KCNK12: variants seen among roughly 807,000 people sequenced by gnomAD.
KCNK12 encodes potassium channel subfamily K member 12.
In KCNK12, 6 loss-of-function variants were observed where a neutral mutation model predicts 25.3. The ratio of observed to expected loss-of-function variants is 0.24; its 90% CI spans 0.13 to 0.47. KCNK12 has a LOEUF of 0.47. Ranked by LOEUF, KCNK12 falls within the 20% of genes least tolerant of loss-of-function variation. The pLI is 0.99. For synonymous variants in KCNK12, 331 were observed against 311.1 expected, an observed-to-expected ratio of 1.06 and a Z score of -0.67; for missense variants, 444 against 661.7, an observed-to-expected ratio of 0.67 and a Z score of 3.61.
At position 47,566,403 on chromosome 2, in the gene KCNK12, TGTGTGTGTG is replaced by T. The variant is rs1669787627; in HGVS notation, c.391+3529_391+3537del. 1 of 151,702 alleles carries T rather than the reference TGTGTGTGTG, an allele frequency of 6.6e-6. No homozygotes were observed. Among genetic ancestry groups the T allele is most frequent in the East Asian group, 1.9e-4 (1 of 5,138 alleles). The allele number at this position is 151,702 out of a possible 1,614,324, so 9.4% of individuals were successfully genotyped here. On this transcript the variant is annotated intron_variant, in intron 1 of 1. Coordinates refer to ENST00000327876, the MANE Select transcript of KCNK12 (RefSeq NM_022055.2). This position sits in a 1 kb window ranked among gnomAD's most constrained non-coding sequence, Gnocchi z 4.1. ...CTCTATACACATGTGCTCTCAAGAG[TGTGTGTGTG>T]CACGTGTGTACACACACACGTGCAC...
chr2:47,512,274 A>G lies in KCNK12; in HGVS notation c.*8633T>C, dbSNP rs1385682465. On this transcript the variant is annotated 3_prime_UTR_variant, in exon 2 of 2. Coordinates refer to ENST00000327876, the MANE Select transcript of KCNK12 (RefSeq NM_022055.2). ...ATGGAAATCCCCGTGGAACTCCTAC[A>G]TTTTCTCCTCTCTTCTCCTTCCTTT... 6.2e-7 allele frequency: 1 copy of G among 1,610,848 alleles called. No individual in the cohort carries two copies. Among genetic ancestry groups the G allele is most frequent in the African/African-American group, 1.3e-5 (1 of 74,946 alleles).
In KCNK12 at chr2:47,529,535, T is replaced by C. The variant is rs1215634342; in HGVS notation, c.392-7727A>G. On this transcript the variant is annotated intron_variant, in intron 1 of 1. Transcript: ENST00000327876. This position sits in a 1 kb window ranked among gnomAD's most constrained non-coding sequence, Gnocchi z 4.3. ...ACTGCAGCTCTCTCCTTACCAATCATTCTCCCAGCCTGTACTATATTGAGT... is the reference window on the plus strand; with the variant it reads ...ACTGCAGCTCTCTCCTTACCAATCACTCTCCCAGCCTGTACTATATTGAGT... Among the ~76,000 whole-genome samples, 1 of 152,252 alleles carries C rather than the reference T, an allele frequency of 6.6e-6. No homozygotes were observed. Among genetic ancestry groups the C allele is most frequent in the Non-Finnish European group, 1.5e-5 (1 of 68,042 alleles).
In KCNK12 at chr2:47,560,082, A is replaced by C. The variant is rs1247261965; in HGVS notation, c.391+9859T>G. Among the ~76,000 whole-genome samples the C allele has an allele frequency of 6.6e-6, 1 of 152,118 alleles. No individual in the cohort carries two copies. Among genetic ancestry groups the C allele is most frequent in the Non-Finnish European group, 1.5e-5 (1 of 68,022 alleles). ...CAAGCCAACCACCCTTCAGGAGGCGAGTTCTGAGCTGGCTATGTCCCCAGG... is the reference window on the plus strand; with the variant it reads ...CAAGCCAACCACCCTTCAGGAGGCGCGTTCTGAGCTGGCTATGTCCCCAGG... On this transcript the variant is annotated intron_variant, in intron 1 of 1. Coordinates refer to ENST00000327876, the MANE Select transcript of KCNK12 (RefSeq NM_022055.2). The surrounding 1 kb of genome is among the most constrained non-coding windows in gnomAD (Gnocchi z 4.7).
Position 47,570,491 on chromosome 2 carries a change from G to A in KCNK12, c.-160C>T. 1 of 697,056 alleles carries A rather than the reference G, an allele frequency of 1.4e-6. No homozygotes were observed. Among genetic ancestry groups the A allele is most frequent in the Non-Finnish European group, 1.9e-6 (1 of 515,224 alleles). 43.2% of individuals were successfully genotyped at this position (697,056 alleles called of 1,614,324 possible). ...GCCCCTCGTCGCCTTCCCAGAGCCCGGACAGAGGGGCGCCTCCGCCTCCTC... is the reference window on the plus strand; with the variant it reads ...GCCCCTCGTCGCCTTCCCAGAGCCCAGACAGAGGGGCGCCTCCGCCTCCTC... On this transcript the variant is annotated 5_prime_UTR_variant, in exon 1 of 2. Coordinates refer to ENST00000327876, the MANE Select transcript of KCNK12 (RefSeq NM_022055.2).
intron 1 of KCNK12, chr2:47,564,727 C>T: frequency 5.8e-6 from 1 of 172,670 alleles, no homozygotes; most frequent in Non-Finnish European, 1.3e-5. Context: ...TTACTATGGG[C>T]TAGGTCTGAT....
chr2:47,561,342 G>A (rs1166809715), intron 1 of KCNK12, among the ~76,000 whole-genome samples: 1 of 152,208 alleles, frequency 6.6e-6, no homozygotes, highest in Admixed American at 6.5e-5. Context: ...AGAGCACTGC[G>A]CCTATGAGGG....
Position 47,528,301 on chromosome 2 carries a change from A to C in KCNK12, c.392-6493T>G, listed in dbSNP as rs1668834289. On this transcript the variant is annotated intron_variant, in intron 1 of 1. Coordinates refer to ENST00000327876, the MANE Select transcript of KCNK12 (RefSeq NM_022055.2). This position sits in a 1 kb window ranked among gnomAD's most constrained non-coding sequence, Gnocchi z 4.5. ...TTTACTGCCCTTCGCTTTCCTACAG[A>C]GCACACTCAGCTCATCCTGGGAGAC... 1 of 152,406 alleles carries C rather than the reference A, an allele frequency of 6.6e-6. No individual in the cohort carries two copies. The highest frequency in any genetic ancestry group is 2.4e-5 in the African/African-American group (1 of 41,430). The allele number at this position is 152,406 out of a possible 1,614,324, so 9.4% of individuals were successfully genotyped here.
rs1368493441 is a variant in KCNK12, at chr2:47,551,750, G to A, written c.391+18191C>T. ...TAAAAATATTTTGGTGCTAGTCCTG[G>A]GGAAGGCAGATTATTGGTTTAAGAT... On this transcript the variant is annotated intron_variant, in intron 1 of 1. Transcript: ENST00000327876. The surrounding 1 kb of genome is among the most constrained non-coding windows in gnomAD (Gnocchi z 5.3). Among the ~76,000 whole-genome samples, 1 of 152,212 alleles carries A rather than the reference G, an allele frequency of 6.6e-6. No homozygotes were observed. Among genetic ancestry groups the A allele is most frequent in the Non-Finnish European group, 1.5e-5 (1 of 68,034 alleles).
intron 1 of KCNK12, among the ~76,000 whole-genome samples, chr2:47,535,571 G>A (rs971457981): frequency 6.6e-6 from 1 of 152,148 alleles, no homozygotes; most frequent in Non-Finnish European, 1.5e-5. Flanking sequence ...AGGGATGGTG[G>A]GGACTGAATT....
intron 1 of KCNK12, chr2:47,563,488 T>TC (rs1366489416): frequency 4.3e-6 from 1 of 233,114 alleles, no homozygotes; most frequent in African/African-American, 2.2e-5. Flanking sequence ...TCTCAGGGAA[T>TC]CCCCCTTTGA....
intron 1 of KCNK12, among the ~76,000 whole-genome samples, chr2:47,531,295 G>A (rs1210658214): frequency 6.6e-6 from 1 of 151,996 alleles, no homozygotes; most frequent in East Asian, 1.9e-4. Flanking sequence ...CAACATAGTG[G>A]GACCCCATTT....
chr2:47,532,971 T>G lies in KCNK12; in HGVS notation c.392-11163A>C, dbSNP rs532162617. 3.9e-5 allele frequency among the ~76,000 whole-genome samples: 6 copies of G among 152,302 alleles called. No homozygotes were observed. The East Asian group carries it at 9.6e-4, about 24-fold the overall frequency. Reference sequence around the variant, plus strand: ...ACACATTCCTTACCTTCTCGGACCCTCGCTTCTCCCTCTAAAAATGGCCCA... The same window carrying G: ...ACACATTCCTTACCTTCTCGGACCCGCGCTTCTCCCTCTAAAAATGGCCCA... On this transcript the variant is annotated intron_variant, in intron 1 of 1. Coordinates refer to ENST00000327876, the MANE Select transcript of KCNK12 (RefSeq NM_022055.2).
At chr2:47,564,960 G>A (rs1669761146) in intron 1 of KCNK12, 1 of 151,980 alleles carries the variant, frequency 6.6e-6, no homozygotes, top group African/African-American at 2.4e-5. Context: ...TTGAGCCCGG[G>A]AGTTTGACAT....
rs1669358257 is a variant in KCNK12 at position 47,548,411 on chromosome 2, T to A, written c.391+21530A>T. Among the ~76,000 whole-genome samples the A allele has an allele frequency of 6.6e-6, 1 of 152,194 alleles. No homozygotes were observed. Among genetic ancestry groups the A allele is most frequent in the Non-Finnish European group, 1.5e-5 (1 of 68,042 alleles). ...ATTTCCAAAACCAAGCTCTTGATTC[T>A]CCCTCCCAACCAGCCCCTCCTTGAT... On this transcript the variant is annotated intron_variant, in intron 1 of 1. Transcript: ENST00000327876. The surrounding 1 kb of genome is among the most constrained non-coding windows in gnomAD (Gnocchi z 4.4).
At chr2:47,559,092 C>T (rs1472169360) in intron 1 of KCNK12, among the ~76,000 whole-genome samples, 1 of 152,190 alleles carries the variant, frequency 6.6e-6, no homozygotes, top group African/African-American at 2.4e-5. Flanking sequence ...CTGAACTTTT[C>T]CTACTGCTTT....
chr2:47,563,571 C>T (rs905031640), intron 1 of KCNK12: 2 of 233,050 alleles, frequency 8.6e-6, no homozygotes, highest in Non-Finnish European at 1.7e-5. Flanking sequence ...GGTAAATTCA[C>T]CCGCTTTGGG....
At chr2:47,541,990 C>G (rs1279839449) in intron 1 of KCNK12, among the ~76,000 whole-genome samples, 1 of 152,178 alleles carries the variant, frequency 6.6e-6, no homozygotes, top group Non-Finnish European at 1.5e-5. Flanking sequence ...GCAGCAGCAG[C>G]AGCAGCAGCG....
chr2:47,563,035 C>CG (rs1303375484), intron 1 of KCNK12: 17 of 233,242 alleles, frequency 7.3e-5, no homozygotes, highest in Non-Finnish European at 1.2e-4. Context: ...AATAGACCAA[C>CG]GGCCTTTTGT....
Position 47,538,647 on chromosome 2 carries a change from T to C in KCNK12, c.392-16839A>G, listed in dbSNP as rs1222842329. ...TTAGCCAGGCATGGTGGTGCATGCC[T>C]GTAATCCCAGTTACTTGGAAGGCTG... is the stretch of plus-strand genomic sequence containing the variant. On this transcript the variant is annotated intron_variant, in intron 1 of 1. Coordinates refer to ENST00000327876, the MANE Select transcript of KCNK12 (RefSeq NM_022055.2). This position sits in a 1 kb window ranked among gnomAD's most constrained non-coding sequence, Gnocchi z 4.5. 6.6e-6 allele frequency among the ~76,000 whole-genome samples: 1 copy of C among 152,178 alleles called. No individual in the cohort carries two copies. Among genetic ancestry groups the C allele is most frequent in the East Asian group, 1.9e-4 (1 of 5,196 alleles).
Sources: gnomAD v4.1 joint callset for allele counts (sites outside exome capture counted in the v4.1 genomes callset) on GRCh38, gnomAD v4.1.1 for gene constraint, Gnocchi (gnomAD v3.1) non-coding constraint, MANE v1.5 for transcripts, NCBI Gene and HGNC (gene_info 2026-07-23, HGNC 2026-07-21) for gene names.